Variants in SKAP2 observed in about 807,000 individuals in gnomAD.
The protein encoded by SKAP2 is src kinase-associated phosphoprotein 2.
SKAP2 carries 28 observed loss-of-function variants against 54.9 expected under a neutral mutation model. The observed-to-expected ratio is 0.51, with a 90% CI of 0.38 to 0.70. The LOEUF (loss-of-function observed/expected upper bound fraction) is 0.70. Ranked by LOEUF, SKAP2 falls within the 30% of genes least tolerant of loss-of-function variation. The probability of loss-of-function intolerance (pLI) is 0.00; values close to 1 mark genes in which losing one functional copy is unlikely to be tolerated. For synonymous variants in SKAP2, 137 were observed against 134.3 expected (o/e 1.02, Z -0.14); for missense variants, 356 against 424.1 (o/e 0.84, Z 1.41).
In SKAP2 at chr7:26,830,147, T is replaced by C. The variant is rs578133947; in HGVS notation, c.307+13883A>G. Among the ~76,000 whole-genome samples, 98 of 152,282 alleles carry C rather than the reference T, an allele frequency of 6.4e-4. 1 individual carries two copies. Among genetic ancestry groups the C allele is most frequent in the African/African-American group, 2.2e-3 (93 of 41,570 alleles). On this transcript the variant is annotated intron_variant, in intron 4 of 12. Transcript: ENST00000345317. ...AAAAGCCAGACATACAAAGTTCTGATATATGATTCCATTTATATGAAATAT... is the reference window on the plus strand; with the variant it reads ...AAAAGCCAGACATACAAAGTTCTGACATATGATTCCATTTATATGAAATAT...
At chr7:26,762,964 A>G (rs1782964868) in intron 4 of SKAP2, among the ~76,000 whole-genome samples, 1 of 152,182 alleles carries the variant, frequency 6.6e-6, no homozygotes, top group Admixed American at 6.5e-5. Flanking sequence ...CATTAACAAT[A>G]TATTTTAACT....
chr7:26,671,287 C>T (rs978689952), intron 11 of SKAP2, among the ~76,000 whole-genome samples: 1 of 152,034 alleles, frequency 6.6e-6, no homozygotes, highest in African/African-American at 2.4e-5. Context: ...TTTTCAAAAT[C>T]AATCCCAAAA....
At chr7:26,717,092 C>T (rs1033357964) in intron 9 of SKAP2, among the ~76,000 whole-genome samples, 9 of 152,270 alleles carry the variant, frequency 5.9e-5, no homozygotes, top group African/African-American at 2.2e-4. Flanking sequence ...TCCAGAGCCC[C>T]TTCTCACAAC....
At chr7:26,675,025 T>TA (rs1165873769) in intron 11 of SKAP2, among the ~76,000 whole-genome samples, 1 of 152,192 alleles carries the variant, frequency 6.6e-6, no homozygotes, top group Non-Finnish European at 1.5e-5. Context: ...ATGACTCTAT[T>TA]AACTGTTCTC....
intron 4 of SKAP2, among the ~76,000 whole-genome samples, chr7:26,834,200 T>C (rs1191683042): frequency 2.0e-5 from 3 of 152,174 alleles, no homozygotes; most frequent in African/African-American, 7.2e-5. Flanking sequence ...AAGCAGTGTT[T>C]AGAGGAAATT....
the SKAP2 span, among the ~76,000 whole-genome samples, chr7:26,661,010 TAAATA>T: frequency 2.0e-5 from 3 of 152,064 alleles, no homozygotes; most frequent in Non-Finnish European, 4.4e-5. Flanking sequence ...TTAATAATCT[TAAATA>T]AACTCAAACT....
chr7:26,714,417 G>A (rs1484375471), intron 9 of SKAP2, among the ~76,000 whole-genome samples: 1 of 152,132 alleles, frequency 6.6e-6, no homozygotes, highest in African/African-American at 2.4e-5. Flanking sequence ...CTAATAAAGA[G>A]GAAAACATCT....
intron 9 of SKAP2, among the ~76,000 whole-genome samples, chr7:26,696,859 G>C (rs1038218403): frequency 6.6e-6 from 1 of 152,136 alleles, no homozygotes; most frequent in African/African-American, 2.4e-5. Flanking sequence ...AGTGAGCAAA[G>C]ATCATGCCAC....
rs1165721865 is a variant in SKAP2 at position 26,864,483 on chromosome 7, C to G, written c.-54G>C. The G allele has an allele frequency of 1.3e-6, 2 of 1,546,102 alleles. No individual in the cohort carries two copies. The highest frequency in any genetic ancestry group is 1.7e-6 in the Non-Finnish European group (2 of 1,146,994). On this transcript the variant is annotated 5_prime_UTR_variant, in exon 1 of 13. Coordinates refer to ENST00000345317, the MANE Select transcript of SKAP2 (RefSeq NM_003930.5). ...GGACCTGCGCTGAAAAGGTGACCGA[C>G]GGGGTGGGGCTGCGGCTGCGACCTA...
At chr7:26,805,541 G>C (rs554758589) in intron 4 of SKAP2, among the ~76,000 whole-genome samples, 2 of 152,124 alleles carry the variant, frequency 1.3e-5, no homozygotes, top group Admixed American at 6.5e-5. Context: ...CTTTCTTCGG[G>C]GGAAGCCAGC....
chr7:26,699,235 G>A (rs570700564), intron 9 of SKAP2, among the ~76,000 whole-genome samples: 1 of 152,138 alleles, frequency 6.6e-6, no homozygotes, highest in African/African-American at 2.4e-5. Flanking sequence ...TGCAAGTAAA[G>A]TACCTCCCTT....
chr7:26,770,727 C>T (rs1242177217), intron 4 of SKAP2, among the ~76,000 whole-genome samples: 3 of 152,166 alleles, frequency 2.0e-5, no homozygotes, highest in Admixed American at 6.5e-5. Flanking sequence ...TGACCTCTTG[C>T]ACTTCCCCGG....
At chr7:26,755,777 C>T (rs916530778) in intron 4 of SKAP2, among the ~76,000 whole-genome samples, 1 of 152,076 alleles carries the variant, frequency 6.6e-6, no homozygotes, top group Admixed American at 6.5e-5. Context: ...ATAGGACTGG[C>T]AAAAACTGCA....
intron 4 of SKAP2, among the ~76,000 whole-genome samples, chr7:26,818,152 A>C (rs1463519229): frequency 6.6e-6 from 1 of 152,206 alleles, no homozygotes; most frequent in Non-Finnish European, 1.5e-5. Context: ...CAAAAAGAAC[A>C]AACCTGGAGG....
chr7:26,670,687 CTT>C (rs1369706553), intron 11 of SKAP2, among the ~76,000 whole-genome samples: 1 of 128,370 alleles, frequency 7.8e-6, no homozygotes, highest in Admixed American at 7.8e-5. Flanking sequence ...ATGTGTGCCC[CTT>C]CTTAAGAAAA....
Position 26,725,967 on chromosome 7 carries a change from T to G in SKAP2, c.614A>C (p.Lys205Thr), listed in dbSNP as rs928514749. 6.2e-7 allele frequency: 1 copy of G among 1,610,582 alleles called. No homozygotes were observed. Among genetic ancestry groups the G allele is most frequent in the African/African-American group, 1.3e-5 (1 of 74,826 alleles). Residue 205 changes from lysine to threonine, a missense_variant, in exon 8 of 13, where the codon AAA becomes ACA. Lys to Thr is a moderately conservative substitution (Grantham distance 78). Coordinates refer to ENST00000345317, the MANE Select transcript of SKAP2 (RefSeq NM_003930.5). Reference sequence around the variant, plus strand: ...CTGCTGTACCCATTCTTCAGCATCTTTGGGAGAAGCTGCTGTAAACTAATA... The same window carrying G: ...CTGCTGTACCCATTCTTCAGCATCTGTGGGAGAAGCTGCTGTAAACTAATA... ...RIYQFTAASP[K>T]DAEEWVQQLK...
At chr7:26,672,416 G>A (rs888216699) in intron 11 of SKAP2, among the ~76,000 whole-genome samples, 1 of 151,978 alleles carries the variant, frequency 6.6e-6, no homozygotes, top group Non-Finnish European at 1.5e-5. Context: ...AAACAGCAGG[G>A]AGGAGCTTAA....
At chr7:26,790,045 G>GT (rs1783641971) in intron 4 of SKAP2, among the ~76,000 whole-genome samples, 1 of 152,170 alleles carries the variant, frequency 6.6e-6, no homozygotes, top group South Asian at 2.1e-4. Flanking sequence ...CTGATGGCCA[G>GT]TATGTACTAC....
In SKAP2 at chr7:26,687,344, C is replaced by A. The variant is rs1584330843; in HGVS notation, c.875-2496G>T. 2.6e-5 allele frequency among the ~76,000 whole-genome samples: 4 copies of A among 151,864 alleles called. No individual in the cohort carries two copies. The South Asian group carries it at 8.3e-4, about 32-fold the overall frequency. ...GATTTGGCAATATGGGAAAAAGATG[C>A]ATTTTCAACTGTGCTTTCTATAATC... On this transcript the variant is annotated intron_variant, in intron 10 of 12. Coordinates refer to ENST00000345317, the MANE Select transcript of SKAP2 (RefSeq NM_003930.5).
Sources: gnomAD v4.1 joint callset for allele counts (sites outside exome capture counted in the v4.1 genomes callset) on GRCh38, gnomAD v4.1.1 for gene constraint, MANE v1.5 for transcripts, NCBI Gene and HGNC (gene_info 2026-07-23, HGNC 2026-07-21) for gene names.